The following HERC1 variants were observed in gnomAD, a reference collection of about 807,000 sequenced individuals.
The protein encoded by HERC1 is probable E3 ubiquitin-protein ligase HERC1.
In HERC1, 160 loss-of-function variants were observed where a neutral mutation model predicts 554.3. That is an observed-to-expected ratio of 0.29 (90% confidence interval 0.25 to 0.33). The LOEUF (loss-of-function observed/expected upper bound fraction) is 0.33, where lower values mean the gene tolerates loss of function less well. Ranked by LOEUF, HERC1 falls within the 10% of genes least tolerant of loss-of-function variation. The probability of loss-of-function intolerance (pLI) is 1.00; values close to 1 mark genes in which losing one functional copy is unlikely to be tolerated. For synonymous variants in HERC1, 2,175 were observed against 2,131.7 expected (o/e 1.02, Z -0.56); for missense variants, 4,919 against 5,918.5 (o/e 0.83, Z 5.54).
intron 18 of HERC1, among the ~76,000 whole-genome samples, chr15:63,724,828 A>G (rs1419248015): frequency 6.6e-6 from 1 of 152,182 alleles, no homozygotes; most frequent in Non-Finnish European, 1.5e-5. Flanking sequence ...AGGCACTTTA[A>G]GTGGCGAAGA....
intron 51 of HERC1, among the ~76,000 whole-genome samples, chr15:63,653,594 T>C (rs2069831430): frequency 6.6e-6 from 1 of 152,204 alleles, no homozygotes; most frequent in African/African-American, 2.4e-5. Flanking sequence ...GCCCCAAATT[T>C]GCAGATAGAT....
intron 1 of HERC1, among the ~76,000 whole-genome samples, chr15:63,819,535 A>C (rs1016099295): frequency 1.3e-5 from 2 of 152,184 alleles, no homozygotes; most frequent in African/African-American, 4.8e-5. Context: ...ATTCACTAAT[A>C]TTCACTTTTT....
chr15:63,786,520 A>G (rs1567126019), intron 1 of HERC1, among the ~76,000 whole-genome samples: 1 of 152,148 alleles, frequency 6.6e-6, no homozygotes, highest in Non-Finnish European at 1.5e-5. Flanking sequence ...TCAAGATATG[A>G]ATGAATAAAC....
intron 33 of HERC1, among the ~76,000 whole-genome samples, chr15:63,687,799 C>T (rs948948643): frequency 6.6e-6 from 1 of 152,072 alleles, no homozygotes; most frequent in Non-Finnish European, 1.5e-5. Flanking sequence ...TAGGGAAGGC[C>T]TCTCTGAAGA....
intron 51 of HERC1, among the ~76,000 whole-genome samples, chr15:63,653,854 C>T (rs1292859252): frequency 1.3e-5 from 2 of 152,156 alleles, no homozygotes. Flanking sequence ...CATAAGTCTT[C>T]ATCTTTTGTG....
At position 63,706,970 on chromosome 15, in the gene HERC1, A is replaced by T. The variant is rs190119831; in HGVS notation, c.4585-139T>A. 1.1e-4 allele frequency: 65 copies of T among 568,588 alleles called. No homozygotes were observed. The East Asian group carries it at 1.6e-3, about 14-fold the overall frequency. The allele number at this position is 568,588 out of a possible 1,614,324, so 35.2% of individuals were successfully genotyped here. On this transcript the variant is annotated intron_variant, in intron 24 of 77. Coordinates refer to ENST00000443617, the MANE Select transcript of HERC1 (RefSeq NM_003922.4). ...ATTCATCATTCAAGTCAAACTAATA[A>T]CAAAATGTCCCTAAAAACCCACTGA...
chr15:63,677,249 C>A lies in HERC1; in HGVS notation c.7070+596G>T, dbSNP rs559203741. On this transcript the variant is annotated intron_variant, in intron 37 of 77. Transcript: ENST00000443617. This position sits in a 1 kb window ranked among gnomAD's most constrained non-coding sequence, Gnocchi z 4.4. ...AAACATATGAAATTTGTAATTTGCA[C>A]AAATCCTCTCTGAATTCAAACACAC... Among the ~76,000 whole-genome samples the A allele has an allele frequency of 6.6e-6, 1 of 152,304 alleles. No homozygotes were observed. The highest frequency in any genetic ancestry group is 2.1e-4 in the South Asian group (1 of 4,830).
At chr15:63,739,564 C>T (rs1173192850) in intron 12 of HERC1, among the ~76,000 whole-genome samples, 1 of 151,700 alleles carries the variant, frequency 6.6e-6, no homozygotes, top group Non-Finnish European at 1.5e-5. Flanking sequence ...ACAGGCCGAG[C>T]GCGGTGGCTC....
intron 17 of HERC1, among the ~76,000 whole-genome samples, chr15:63,726,044 T>G (rs758103460): frequency 1.6e-4 from 24 of 152,256 alleles, no homozygotes; most frequent in Admixed American, 3.9e-4. Context: ...TGCAGTGGCA[T>G]GATCTTGGGT....
Position 63,737,501 on chromosome 15 carries a change from TATATCTTTTTTCCAG to T in HERC1, c.2521-2667_2521-2653del, listed in dbSNP as rs1454131504. Among the ~76,000 whole-genome samples the T allele has an allele frequency of 2.1e-4, 18 of 86,876 alleles. 2 individuals carry two copies. The highest frequency in any genetic ancestry group is 4.2e-4 in the Non-Finnish European group (16 of 38,468). 57.0% of individuals were successfully genotyped at this position (86,876 alleles called of 152,430 possible). On this transcript the variant is annotated intron_variant, in intron 12 of 77. Coordinates refer to ENST00000443617, the MANE Select transcript of HERC1 (RefSeq NM_003922.4). Reference sequence around the variant, plus strand: ...TTCCAGATATATATATATACATATATATATCTTTTTTCCAGATATATATATATATATATATATATA... The same window carrying T: ...TTCCAGATATATATATATACATATATATATATATATATATATATATATATA...
In HERC1 at chr15:63,663,043, T is replaced by C; in HGVS notation, c.8842A>G (p.Thr2948Ala). The C allele has an allele frequency of 6.2e-7, 1 of 1,613,966 alleles. No individual in the cohort carries two copies. The highest frequency in any genetic ancestry group is 8.5e-7 in the Non-Finnish European group (1 of 1,179,870). The change falls in exon 44 of 78, where the codon ACC becomes GCC. Residue 2948 changes from threonine (T) to alanine (A), a missense_variant. By Grantham distance (58) the Thr-to-Ala change is moderately conservative. Around this residue, in one of 11 missense-constraint regions of HERC1, gnomAD observed 1,963 missense variants for 2,228.6 expected, o/e 0.88. Coordinates refer to ENST00000443617, the MANE Select transcript of HERC1 (RefSeq NM_003922.4). Reference protein sequence around the residue: ...AMEAMFGQDLTSDNDILGMWI... With the variant: ...AMEAMFGQDLASDNDILGMWI... The stretch of plus-strand genomic sequence containing the variant: ...ATTCCCAGAATATCATTGTCACTGG[T>C]CAGGTCTTGTCCAAACATAGCTTCC...
intron 76 of HERC1, among the ~76,000 whole-genome samples, chr15:63,613,858 T>G (rs1311185444): frequency 2.0e-5 from 3 of 152,134 alleles, no homozygotes; most frequent in Non-Finnish European, 4.4e-5. Context: ...GCACTAAGGT[T>G]GTCCCATAAG....
intron 1 of HERC1, among the ~76,000 whole-genome samples, chr15:63,829,561 GTATATATATATATATATATATATA>G (rs60037018): frequency 6.1e-5 from 5 of 81,762 alleles, no homozygotes; most frequent in African/African-American, 2.1e-4. Context: ...GTGTGTGTGT[GTATATATATATATATATATATATA>G]TATATATATA....
At chr15:63,766,465 G>A (rs1264590587) in intron 2 of HERC1, among the ~76,000 whole-genome samples, 2 of 152,122 alleles carry the variant, frequency 1.3e-5, no homozygotes, top group Non-Finnish European at 2.9e-5. Flanking sequence ...GCATGTGCCT[G>A]TAATCCTAGA....
rs2073670836 is a variant in HERC1 at position 63,718,524 on chromosome 15, C to T, written c.3978+50G>A. ...CTCACATAAACCAATTTAGAGCTAG[C>T]TCTCACAGCTTGCAGAAAAACATAG... On this transcript the variant is annotated intron_variant, in intron 21 of 77. Transcript: ENST00000443617. The surrounding 1 kb of genome is among the most constrained non-coding windows in gnomAD (Gnocchi z 4.2). The T allele has an allele frequency of 2.0e-6, 3 of 1,509,322 alleles. No individual in the cohort carries two copies. Among genetic ancestry groups the T allele is most frequent in the Non-Finnish European group, 1.8e-6 (2 of 1,121,098 alleles). 93.5% of individuals were successfully genotyped at this position (1,509,322 alleles called of 1,614,324 possible).
chr15:63,696,156 T>C lies in HERC1; in HGVS notation c.5089A>G (p.Lys1697Glu), dbSNP rs563833996. 1 of 1,613,532 alleles carries C rather than the reference T, an allele frequency of 6.2e-7. No homozygotes were observed. Among genetic ancestry groups the C allele is most frequent in the East Asian group, 2.2e-5 (1 of 44,870 alleles). The change falls in exon 27 of 78, where the codon AAG becomes GAG. Residue 1697 changes from lysine (K) to glutamate (E), a missense_variant. By Grantham distance (56) the Lys-to-Glu change is moderately conservative. This residue lies in a region of HERC1 where 1,121 missense variants were observed against 1,244.0 expected (regional missense o/e 0.90). Coordinates refer to ENST00000443617, the MANE Select transcript of HERC1 (RefSeq NM_003922.4). ...GLGTVGHTGG[K>E]GESGRLHHYQ... The stretch of plus-strand genomic sequence containing the variant: ...TGATGCAATCGGCCACTCTCTCCCT[T>C]GCCTCCTGTGTGTCCAACAGTGCCT...
rs2071113636 is a variant in HERC1, at chr15:63,674,828, T to C, written c.7360A>G (p.Thr2454Ala). ...TCATTTTCTGATTTGGAGCTTGTGG[T>C]ACTCTGACTTTTGACGTCATCAGAT... ...LTSDDVKSQSTTSSKSENEIA... is the reference protein window; with the variant it reads ...LTSDDVKSQSATSSKSENEIA... Residue 2454 changes from threonine (T) to alanine (A), a missense_variant, in exon 38 of 78, where the codon ACC becomes GCC. By Grantham distance (58) the Thr-to-Ala change is moderately conservative. Around this residue, in one of 11 missense-constraint regions of HERC1, gnomAD observed 1,963 missense variants for 2,228.6 expected, o/e 0.88. Transcript: ENST00000443617. The C allele has an allele frequency of 6.2e-7, 1 of 1,613,794 alleles. No individual in the cohort carries two copies. Among genetic ancestry groups the C allele is most frequent in the African/African-American group, 1.3e-5 (1 of 74,936 alleles).
intron 57 of HERC1, 126 bp downstream of exon 57, chr15:63,644,866 A>G (rs1264578336): frequency 6.0e-6 from 4 of 662,624 alleles, no homozygotes; most frequent in South Asian, 4.0e-5. Context: ...ACAATTACTT[A>G]TATTTCCCAA....
chr15:63,620,291 T>C (rs1196390297), intron 74 of HERC1, among the ~76,000 whole-genome samples: 2 of 152,186 alleles, frequency 1.3e-5, no homozygotes, highest in Non-Finnish European at 2.9e-5. Flanking sequence ...AGTTTCCATG[T>C]AGTTGAGCGG....
Sources: gnomAD v4.1 joint callset for allele counts (sites outside exome capture counted in the v4.1 genomes callset) on GRCh38, gnomAD v4.1.1 for gene constraint, gnomAD v4.1.1 regional missense constraint, Gnocchi (gnomAD v3.1) non-coding constraint, MANE v1.5 for transcripts, NCBI Gene and HGNC (gene_info 2026-07-23, HGNC 2026-07-21) for gene names.